The following MGRN1 variants were observed in gnomAD, a reference collection of about 807,000 sequenced individuals.
MGRN1 encodes the protein E3 ubiquitin-protein ligase MGRN1.
MGRN1 carries 29 observed loss-of-function variants against 69.2 expected under a neutral mutation model. That is an observed-to-expected ratio of 0.42 (90% CI 0.31 to 0.57). The LOEUF (loss-of-function observed/expected upper bound fraction) is 0.57. Ranked by LOEUF, MGRN1 falls within the 20% of genes least tolerant of loss-of-function variation. The probability of loss-of-function intolerance (pLI) is 0.15; values close to 1 mark genes in which losing one functional copy is unlikely to be tolerated. For synonymous variants in MGRN1, 470 were observed against 344.2 expected, an observed-to-expected ratio of 1.37 and a Z score of -4.04; for missense variants, 998 against 796.2, an observed-to-expected ratio of 1.25 and a Z score of -3.05.
chr16:4,656,151 G>A (rs2078532623), intron 4 of MGRN1, among the ~76,000 whole-genome samples: 1 of 152,242 alleles, frequency 6.6e-6, no homozygotes, highest in African/African-American at 2.4e-5. Flanking sequence ...TGTGAATTGG[G>A]TTCCTGCATG....
chr16:4,624,872 C>G lies in MGRN1; in HGVS notation c.-89C>G, dbSNP rs1897584773. On this transcript the variant is annotated 5_prime_UTR_variant, in exon 1 of 17. Coordinates refer to ENST00000262370, the MANE Select transcript of MGRN1 (RefSeq NM_015246.4). ...GGCCGTGGACGAGCGTCCGTGCGGC[C>G]TGGTCCGGGCCATGTCCGCGTGAGG... The G allele has an allele frequency of 3.4e-6, 4 of 1,160,690 alleles. No homozygotes were observed. Among genetic ancestry groups the G allele is most frequent in the Non-Finnish European group, 3.5e-6 (3 of 862,860 alleles). The allele number at this position is 1,160,690 out of a possible 1,614,324, so 71.9% of individuals were successfully genotyped here.
intron 5 of MGRN1, among the ~76,000 whole-genome samples, chr16:4,662,463 C>G (rs1366674336): frequency 6.6e-6 from 1 of 151,786 alleles, no homozygotes; most frequent in Non-Finnish European, 1.5e-5. Context: ...TTGCAGCGAG[C>G]CGACATCCTG....
At chr16:4,688,205 C>T (rs1286854197) in intron 16 of MGRN1, 2 of 985,636 alleles carry the variant, frequency 2.0e-6, no homozygotes, top group South Asian at 4.7e-5. Flanking sequence ...GTCCCAGGCT[C>T]TGCACCAGCA....
chr16:4,659,247 C>T (rs1190473236), intron 5 of MGRN1: 1 of 152,228 alleles, frequency 6.6e-6, no homozygotes, highest in Non-Finnish European at 1.5e-5. Context: ...CTGTCCTCTC[C>T]CGGCATCACT....
chr16:4,660,592 A>AG, intron 5 of MGRN1, among the ~76,000 whole-genome samples: 1 of 152,172 alleles, frequency 6.6e-6, no homozygotes, highest in South Asian at 2.1e-4. Flanking sequence ...GCAGAAGCGA[A>AG]GGGGTGGGCA....
chr16:4,683,010 C>T, intron 14 of MGRN1, 64 bp downstream of exon 14: 2 of 1,490,994 alleles, frequency 1.3e-6, no homozygotes, highest in Admixed American at 2.3e-5. Flanking sequence ...GCTTCTGTCG[C>T]TGGAATCAGA....
Position 4,648,381 on chromosome 16 carries a change from A to G in MGRN1, c.89-1984A>G, listed in dbSNP as rs111831916. On this transcript the variant is annotated intron_variant, in intron 1 of 16. Transcript: ENST00000262370. ...GGTCACCCGGCTCCTCCTCCCGGGG[A>G]CTCTTCCCGTGGTCACCCGGGTCCT... is the stretch of plus-strand genomic sequence containing the variant. 8.0e-3 allele frequency among the ~76,000 whole-genome samples: 371 copies of G among 46,310 alleles called. 16 individuals are homozygous for G. Among genetic ancestry groups the G allele is most frequent in the African/African-American group, 0.033 (269 of 8,140 alleles). The allele number at this position is 46,310 out of a possible 152,430, so 30.4% of individuals were successfully genotyped here.
chr16:4,669,585 G>T (rs2078894354), intron 8 of MGRN1, among the ~76,000 whole-genome samples: 1 of 152,178 alleles, frequency 6.6e-6, no homozygotes, highest in Non-Finnish European at 1.5e-5. Context: ...TGTCCAGTTT[G>T]AGCCATTGTG....
At chr16:4,645,909 G>A (rs1446981809) in intron 1 of MGRN1, among the ~76,000 whole-genome samples, 2 of 152,222 alleles carry the variant, frequency 1.3e-5, no homozygotes, top group Non-Finnish European at 2.9e-5. Flanking sequence ...GGCAGATGGT[G>A]CCAGAGGCTC....
At chr16:4,661,791 G>T (rs996494543) in intron 5 of MGRN1, among the ~76,000 whole-genome samples, 2 of 152,250 alleles carry the variant, frequency 1.3e-5, no homozygotes, top group Admixed American at 6.5e-5. Flanking sequence ...CGTGAGATGC[G>T]GGGCCTAGGT....
In MGRN1 at chr16:4,688,960, AG is replaced by A. The variant is rs892722232; in HGVS notation, c.*56del. 6.7e-6 allele frequency: 10 copies of A among 1,501,104 alleles called. No individual in the cohort carries two copies. In the Admixed American group the frequency reaches 1.7e-4, roughly 25 times the overall value. 93.0% of individuals were successfully genotyped at this position (1,501,104 alleles called of 1,614,324 possible). A position where few individuals can be genotyped will look rare whatever the true frequency, so the allele number is the denominator to read the frequency against. On this transcript the variant is annotated 3_prime_UTR_variant, in exon 17 of 17. Coordinates refer to ENST00000262370, the MANE Select transcript of MGRN1 (RefSeq NM_015246.4). The stretch of plus-strand genomic sequence containing the variant: ...GCCCTCGGCTCCCCAGACTTTGCCG[AG>A]GGGCTGCTCCGGACCCCGTTGTGAG...
chr16:4,650,490 C>A lies in MGRN1; in HGVS notation c.207+7C>A. The A allele has an allele frequency of 6.3e-7, 1 of 1,598,840 alleles. No individual in the cohort carries two copies. Among genetic ancestry groups the A allele is most frequent in the South Asian group, 1.1e-5 (1 of 88,634 alleles). On this transcript the variant is annotated splice_region_variant and intron_variant, in intron 2 of 16. Coordinates refer to ENST00000262370, the MANE Select transcript of MGRN1 (RefSeq NM_015246.4). The stretch of plus-strand genomic sequence containing the variant: ...GGGCAGCCGCCCGGTCCAGGTGGGT[C>A]TGGACAGGGCTGTCTCATGGGGCTG...
At chr16:4,633,082 C>G (rs1898090754) in intron 1 of MGRN1, among the ~76,000 whole-genome samples, 1 of 151,610 alleles carries the variant, frequency 6.6e-6, no homozygotes, top group Admixed American at 6.6e-5. Flanking sequence ...GACTCTGTCT[C>G]TAAAGAATAA....
rs556392351 is a variant in MGRN1 at position 4,669,697 on chromosome 16, A to G, written c.726+1385A>G. On this transcript the variant is annotated intron_variant, in intron 8 of 16. Transcript: ENST00000262370. ...TGCAACTCCTTCTCCTCTTCCTTAC[A>G]AATTGTCCAATATGTCAGTATTGGA... Among the ~76,000 whole-genome samples, 81 of 152,356 alleles carry G rather than the reference A, an allele frequency of 5.3e-4. No homozygotes were observed. In the South Asian group the frequency reaches 0.016, roughly 30 times the overall value.
intron 4 of MGRN1, among the ~76,000 whole-genome samples, chr16:4,656,709 C>G (rs2078547414): frequency 6.6e-6 from 1 of 151,988 alleles, no homozygotes; most frequent in African/African-American, 2.4e-5. Flanking sequence ...GGTGAAACCC[C>G]ATCTGTACTA....
At chr16:4,658,570 C>G (rs1014883917) in intron 5 of MGRN1, among the ~76,000 whole-genome samples, 29 of 151,834 alleles carry the variant, frequency 1.9e-4, no homozygotes, top group Non-Finnish European at 4.0e-4. Context: ...CTTGTGGGTC[C>G]CAGGTCTGAG....
chr16:4,680,251 G>C (rs1196333969), intron 12 of MGRN1, 154 bp downstream of exon 12: 1 of 738,214 alleles, frequency 1.4e-6, no homozygotes, highest in African/African-American at 1.8e-5. Flanking sequence ...TGCCCAGGGA[G>C]TTTGTGGAAC....
rs940390831 is a variant in MGRN1, at chr16:4,683,217, T to A, written c.1483-7T>A. 2 of 1,613,630 alleles carry A rather than the reference T, an allele frequency of 1.2e-6. No individual in the cohort carries two copies. Among genetic ancestry groups the A allele is most frequent in the Non-Finnish European group, 1.7e-6 (2 of 1,179,940 alleles). On this transcript the variant is annotated splice_polypyrimidine_tract_variant and splice_region_variant and intron_variant, in intron 14 of 16. Coordinates refer to ENST00000262370, the MANE Select transcript of MGRN1 (RefSeq NM_015246.4). ...AGCTCTAGGCTACTTTCCCCTTTGT[T>A]TCCTAGAGTTTCATAACAGAAGAGG...
At chr16:4,683,966 G>C (rs2079249017) in intron 16 of MGRN1, 34 bp downstream of exon 16, 1 of 1,517,692 alleles carries the variant, frequency 6.6e-7, no homozygotes, top group East Asian at 2.4e-5. Context: ...TGAGGGGCTG[G>C]GTGCCTGTCT....
Sources: allele counts gnomAD v4.1 joint callset (sites outside exome capture counted in the v4.1 genomes callset), GRCh38; gene constraint gnomAD v4.1.1; transcripts MANE v1.5; gene names NCBI Gene and HGNC (gene_info 2026-07-23, HGNC 2026-07-21).